Variants in ZNF543 observed in about 807,000 individuals in gnomAD.
ZNF543 encodes the protein zinc finger protein 543.
ZNF543 carries 10 observed loss-of-function variants against 13.4 expected under a neutral mutation model. The observed-to-expected ratio is 0.75, with a 90% confidence interval of 0.46 to 1.26. The LOEUF (loss-of-function observed/expected upper bound fraction) is 1.26, where lower values mean the gene tolerates loss of function less well. Among genes scored for constraint, ZNF543 ranks in the 50% most tolerant of loss-of-function variants. The pLI is 0.00. For synonymous variants in ZNF543, 272 were observed against 264.7 expected (o/e 1.03, Z -0.27); for missense variants, 768 against 741.2 (o/e 1.04, Z -0.42).
In ZNF543 at chr19:57,320,708, G is replaced by T. The variant is rs1469934186; in HGVS notation, c.-146G>T. The T allele has an allele frequency of 6.8e-6, 7 of 1,032,326 alleles. No individual in the cohort carries two copies. Among genetic ancestry groups the T allele is most frequent in the African/African-American group, 3.3e-5 (2 of 60,388 alleles). The allele number at this position is 1,032,326 out of a possible 1,614,324, so 63.9% of individuals were successfully genotyped here. A position where few individuals can be genotyped will look rare whatever the true frequency, so the allele number is the denominator to read the frequency against. On this transcript the variant is annotated 5_prime_UTR_variant, in exon 1 of 4. Coordinates refer to ENST00000321545, the MANE Select transcript of ZNF543 (RefSeq NM_213598.4). ...TCCGTCTCCTCAGCCCCGACGCTGC[G>T]CCCGCTTTGTGCGCATTTTTCTCTG...
Position 57,320,727 on chromosome 19 carries a change from T to C in ZNF543, c.-127T>C. 1.6e-6 allele frequency: 2 copies of C among 1,239,842 alleles called. No individual in the cohort carries two copies. Among genetic ancestry groups the C allele is most frequent in the Non-Finnish European group, 2.2e-6 (2 of 906,438 alleles). The allele number at this position is 1,239,842 out of a possible 1,614,324, so 76.8% of individuals were successfully genotyped here. On this transcript the variant is annotated 5_prime_UTR_variant, in exon 1 of 4. Transcript: ENST00000321545. ...CGCTGCGCCCGCTTTGTGCGCATTT[T>C]TCTCTGGGGAAACTGAGGCTCCGAG...
chr19:57,321,111 T>C (rs1308575381), intron 1 of ZNF543, among the ~76,000 whole-genome samples: 3 of 152,192 alleles, frequency 2.0e-5, no homozygotes, highest in African/African-American at 4.8e-5. Context: ...CACACTTCCC[T>C]TAAATCCAAC....
intron 1 of ZNF543, 24 bp from the exon 2 acceptor site, chr19:57,323,655 CACT>C (rs747927477): frequency 6.2e-7 from 1 of 1,608,896 alleles, no homozygotes; most frequent in Non-Finnish European, 8.5e-7. Flanking sequence ...CCAAGGGAAA[CACT>C]ACTATCTCTG....
At chr19:57,325,007 A>G (rs967699770) in intron 2 of ZNF543, among the ~76,000 whole-genome samples, 1 of 152,208 alleles carries the variant, frequency 6.6e-6, no homozygotes, top group Non-Finnish European at 1.5e-5. Flanking sequence ...TTGACATACT[A>G]TTAGGAGTAA....
chr19:57,324,565 G>A (rs547448827), intron 2 of ZNF543, among the ~76,000 whole-genome samples: 156 of 152,232 alleles, frequency 1.0e-3, no homozygotes, highest in Non-Finnish European at 1.9e-3. Context: ...GAACAACTTT[G>A]TATAGTTTTT....
intron 3 of ZNF543, among the ~76,000 whole-genome samples, chr19:57,327,190 C>T (rs1168097172): frequency 6.6e-6 from 1 of 151,726 alleles, no homozygotes; most frequent in African/African-American, 2.4e-5. Context: ...AAGTTAGGTC[C>T]CAGATGTATA....
rs570024828 is a variant in ZNF543, at chr19:57,320,543, C to T, written c.-311C>T. The T allele has an allele frequency of 2.4e-5, 9 of 374,470 alleles. No individual in the cohort carries two copies. The highest frequency in any genetic ancestry group is 1.5e-4 in the African/African-American group (7 of 46,722). The allele number at this position is 374,470 out of a possible 1,614,324, so 23.2% of individuals were successfully genotyped here. On this transcript the variant is annotated 5_prime_UTR_variant, in exon 1 of 4. Coordinates refer to ENST00000321545, the MANE Select transcript of ZNF543 (RefSeq NM_213598.4). ...TGGGGCCTGGACCGCTGGGTAGGCG[C>T]GTCCAGCGGCCTGAGCAGGGGAGGG...
In ZNF543 at chr19:57,328,775, T is replaced by G. The variant is rs1431174413; in HGVS notation, c.1313T>G (p.Phe438Cys). ...CGKAFTHCST[F>C]VLHKRTHTGE... Reference sequence around the variant, plus strand: ...AAGGCCTTCACCCACTGCTCCACTTTTGTCTTGCATAAAAGGACCCACACA... The same window carrying G: ...AAGGCCTTCACCCACTGCTCCACTTGTGTCTTGCATAAAAGGACCCACACA... The change falls in exon 4 of 4, where the codon TTT becomes TGT. Residue 438 changes from phenylalanine (F) to cysteine (C), a missense_variant. Phe to Cys is a radical substitution (Grantham distance 205). Coordinates refer to ENST00000321545, the MANE Select transcript of ZNF543 (RefSeq NM_213598.4). 1.2e-6 allele frequency: 2 copies of G among 1,613,960 alleles called. No homozygotes were observed. The highest frequency in any genetic ancestry group is 8.5e-7 in the Non-Finnish European group (1 of 1,180,026).
In ZNF543 at chr19:57,323,807, G is replaced by C; in HGVS notation, c.144G>C (p.Leu48=). Residue 48 remains leucine (L), a splice_region_variant and synonymous_variant, in exon 2 of 4, where the codon CTG becomes CTC. Transcript: ENST00000321545. ...AGACCTGCGGACTTCTCATGTCTCT[G>C]GGTAAGGCCCCTTCTGGTCCTGTGC... is the stretch of plus-strand genomic sequence containing the variant. ...MLETCGLLMS[L]GCPLFKPELI... is the part of the protein sequence containing the mutation. 2 of 1,611,988 alleles carry C rather than the reference G, an allele frequency of 1.2e-6. No individual in the cohort carries two copies. The highest frequency in any genetic ancestry group is 2.2e-5 in the South Asian group (2 of 91,058).
rs1568510949 is a variant in ZNF543, at chr19:57,329,247, T to G, written c.1785T>G (p.Thr595=). Residue 595 remains threonine, a synonymous_variant, in exon 4 of 4, where the codon ACT becomes ACG. Coordinates refer to ENST00000321545, the MANE Select transcript of ZNF543 (RefSeq NM_213598.4). ...GGAAAGAGTTTTTGAATATCACCAC[T>G]GAAGAAAATCTGTGGTGAAAGGGAA... ...LLGKEFLNIT[T]EENLW is the part of the protein sequence containing the mutation. 6.2e-7 allele frequency: 1 copy of G among 1,604,570 alleles called. No homozygotes were observed.
At chr19:57,323,193 A>AT (rs371613138) in intron 1 of ZNF543, among the ~76,000 whole-genome samples, 20,431 of 135,752 alleles carry the variant, frequency 0.15, 1,853 homozygotes, top group Middle Eastern at 0.2. Context: ...CACTGCTGTA[A>AT]TTTTTTTTTT....
At chr19:57,322,586 G>A (rs1412017096) in intron 1 of ZNF543, among the ~76,000 whole-genome samples, 1 of 152,082 alleles carries the variant, frequency 6.6e-6, no homozygotes, top group Non-Finnish European at 1.5e-5. Context: ...TGCTAATGAA[G>A]GAGTGTCGGG....
At chr19:57,326,872 C>T (rs1289554794) in intron 3 of ZNF543, 144 bp downstream of exon 3, 4 of 581,782 alleles carry the variant, frequency 6.9e-6, no homozygotes, top group East Asian at 3.1e-5. Context: ...CGCCCGCCCC[C>T]CCCCACCCGC....
intron 1 of ZNF543, chr19:57,323,478 C>A: frequency 1.7e-6 from 1 of 588,794 alleles, no homozygotes; most frequent in Non-Finnish European, 3.1e-6. Context: ...AGGCGTGAGC[C>A]ACCGCGCCTG....
chr19:57,326,808 G>A, intron 3 of ZNF543, 80 bp downstream of exon 3: 1 of 1,175,938 alleles, frequency 8.5e-7, no homozygotes, highest in South Asian at 1.3e-5. Flanking sequence ...AATTTTGTGG[G>A]CAATCTTCTT....
chr19:57,328,736 G>T lies in ZNF543; in HGVS notation c.1274G>T (p.Cys425Phe), dbSNP rs773664135. 10 of 1,613,800 alleles carry T rather than the reference G, an allele frequency of 6.2e-6. No individual in the cohort carries two copies. Among genetic ancestry groups the T allele is most frequent in the Non-Finnish European group, 8.5e-6 (10 of 1,180,012 alleles). ...CACACTGGGGAGAAGCCTTATGAAT[G>T]CAGTGAATGTGGAAAGGCCTTCACC... Reference protein sequence around the residue: ...RIHTGEKPYECSECGKAFTHC... With the variant: ...RIHTGEKPYEFSECGKAFTHC... Residue 425 changes from cysteine to phenylalanine, a missense_variant, in exon 4 of 4, where the codon TGC (cysteine) becomes TTC (phenylalanine). Coordinates refer to ENST00000321545, the MANE Select transcript of ZNF543 (RefSeq NM_213598.4).
At chr19:57,323,909 A>C in intron 2 of ZNF543, 101 bp downstream of exon 2, 13 of 1,471,230 alleles carry the variant, frequency 8.8e-6, no homozygotes, top group Non-Finnish European at 1.1e-5. Flanking sequence ...TCCTGGCACC[A>C]CGCAGGGGTG....
At chr19:57,325,426 A>G (rs745901063) in intron 2 of ZNF543, among the ~76,000 whole-genome samples, 10 of 152,210 alleles carry the variant, frequency 6.6e-5, no homozygotes, top group African/African-American at 1.4e-4. Context: ...GTTTTGGGCT[A>G]TATGTGCAGA....
intron 2 of ZNF543, among the ~76,000 whole-genome samples, chr19:57,324,066 G>A (rs1286609496): frequency 2.6e-5 from 4 of 151,828 alleles, no homozygotes; most frequent in African/African-American, 9.7e-5. Context: ...AATAAAAAGG[G>A]CCAGGCCAGG....
Sources: allele counts gnomAD v4.1 joint callset (sites outside exome capture counted in the v4.1 genomes callset), GRCh38; gene constraint gnomAD v4.1.1; transcripts MANE v1.5; gene names NCBI Gene and HGNC (gene_info 2026-07-23, HGNC 2026-07-21).